The following CSMD1 variants were observed in gnomAD, a reference collection of about 807,000 sequenced individuals.
CSMD1 encodes CUB and Sushi multiple domains 1.
A neutral mutation model predicts 417.5 loss-of-function variants in CSMD1; 213 were observed. That is an observed-to-expected ratio of 0.51 (90% CI 0.46 to 0.57). The LOEUF (loss-of-function observed/expected upper bound fraction) is 0.57. Among genes scored for constraint, CSMD1 ranks in the 20% least tolerant of loss-of-function variants. The pLI, the probability that CSMD1 is intolerant of heterozygous loss-of-function variation, is 0.00. For synonymous variants in CSMD1, 2,862 were observed against 1,736.8 expected, an observed-to-expected ratio of 1.65 and a Z score of -16.11; for missense variants, 6,923 against 4,529.7, an observed-to-expected ratio of 1.53 and a Z score of -15.17.
At position 4,032,091 on chromosome 8, in the gene CSMD1, T is replaced by C. The variant is rs374327987; in HGVS notation, c.424A>G (p.Ser142Gly). 44 of 1,604,048 alleles carry C rather than the reference T, an allele frequency of 2.7e-5. No homozygotes were observed. Among genetic ancestry groups the C allele is most frequent in the Non-Finnish European group, 3.7e-5 (43 of 1,173,026 alleles). ...GFKALYEVLP[S>G]HTCGNPGEIL... ...TCTCCAGGATTTCCACAAGTGTGGC[T>C]AGGTAAAACTATTGGAAAAAGAAAA... Residue 142 changes from serine to glycine, a missense_variant, in exon 4 of 70, where the codon AGC becomes GGC. Transcript: ENST00000635120.
intron 2 of CSMD1, among the ~76,000 whole-genome samples, chr8:4,520,042 CTTGT>C (rs1223919243): frequency 2.6e-5 from 4 of 151,698 alleles, no homozygotes; most frequent in Non-Finnish European, 4.4e-5. Context: ...AAATTCTATG[CTTGT>C]TTAACACTCA....
intron 1 of CSMD1, among the ~76,000 whole-genome samples, chr8:4,915,435 T>C (rs555913438): frequency 1.2e-3 from 177 of 152,310 alleles, no homozygotes; most frequent in South Asian, 8.5e-3. Context: ...CGAGTATAGA[T>C]TGGAAACCAC....
At chr8:3,465,261 G>C (rs1249030493) in intron 12 of CSMD1, among the ~76,000 whole-genome samples, 1 of 152,068 alleles carries the variant, frequency 6.6e-6, no homozygotes, top group Non-Finnish European at 1.5e-5. Flanking sequence ...CACCCTACTT[G>C]CTTTCTGAAA....
chr8:3,848,719 G>A (rs77982705), intron 5 of CSMD1, among the ~76,000 whole-genome samples: 28,047 of 151,944 alleles, frequency 0.18, 2,794 homozygotes, highest in East Asian at 0.42. Flanking sequence ...CTCTGAAAAT[G>A]CAATGGTCTT....
intron 3 of CSMD1, among the ~76,000 whole-genome samples, chr8:4,071,833 G>C (rs984840039): frequency 7.9e-5 from 12 of 152,068 alleles, no homozygotes; most frequent in African/African-American, 2.7e-4. Flanking sequence ...TTGTGGGGGG[G>C]TGGTGTGCAC....
intron 14 of CSMD1, 123 bp from the exon 15 acceptor site, chr8:3,406,344 T>C (rs779860184): frequency 2.2e-5 from 16 of 717,826 alleles, no homozygotes; most frequent in Non-Finnish European, 2.9e-5. Flanking sequence ...TTATATAAAT[T>C]TCAGTTGTAT....
At chr8:4,114,782 G>A (rs12549476) in intron 3 of CSMD1, among the ~76,000 whole-genome samples, 44,292 of 152,078 alleles carry the variant, frequency 0.29, 6,960 homozygotes, top group Non-Finnish European at 0.34. Context: ...CTTCAGCAGA[G>A]GTACCTGCAG....
At chr8:4,775,052 T>C (rs1796779207) in intron 1 of CSMD1, among the ~76,000 whole-genome samples, 1 of 152,092 alleles carries the variant, frequency 6.6e-6, no homozygotes, top group South Asian at 2.1e-4. Flanking sequence ...GAAATCAAGA[T>C]ATACAAGAGC....
chr8:3,874,078 C>G (rs1453512675), intron 5 of CSMD1, among the ~76,000 whole-genome samples: 1 of 152,190 alleles, frequency 6.6e-6, no homozygotes, highest in Non-Finnish European at 1.5e-5. Context: ...AGGAAGTTCT[C>G]TGTGCTATCC....
chr8:3,491,832 A>G (rs1818396942), intron 11 of CSMD1, among the ~76,000 whole-genome samples: 1 of 152,232 alleles, frequency 6.6e-6, no homozygotes, highest in Non-Finnish European at 1.5e-5. Flanking sequence ...TAGGGAAACC[A>G]GCCCCACACC....
intron 57 of CSMD1, among the ~76,000 whole-genome samples, chr8:2,970,570 C>G (rs937839459): frequency 1.3e-5 from 2 of 152,148 alleles, no homozygotes; most frequent in African/African-American, 4.8e-5. Context: ...ATCCAGCCCT[C>G]TTTGTAACTA....
At chr8:4,321,684 G>C (rs568988624) in intron 3 of CSMD1, among the ~76,000 whole-genome samples, 76 of 152,272 alleles carry the variant, frequency 5.0e-4, no homozygotes, top group Non-Finnish European at 9.9e-4. Flanking sequence ...ACATTCCTAA[G>C]ATAGTGATAG....
intron 1 of CSMD1, among the ~76,000 whole-genome samples, chr8:4,884,151 T>C (rs1803579308): frequency 6.6e-6 from 1 of 152,068 alleles, no homozygotes; most frequent in African/African-American, 2.4e-5. Context: ...TTCACACCTT[T>C]TGCTTCTTTT....
At chr8:4,962,287 G>C (rs1338492057) in intron 1 of CSMD1, among the ~76,000 whole-genome samples, 1 of 151,752 alleles carries the variant, frequency 6.6e-6, no homozygotes, top group Non-Finnish European at 1.5e-5. Context: ...CATAGCTTAT[G>C]GCAGCTTGGA....
intron 7 of CSMD1, 56 bp downstream of exon 7, chr8:3,708,358 C>A: frequency 1.4e-6 from 2 of 1,470,434 alleles, no homozygotes; most frequent in Non-Finnish European, 1.9e-6. Context: ...CTGCTCCATT[C>A]TCTCCTCTGC....
At chr8:3,014,859 T>C (rs1808703825) in intron 52 of CSMD1, among the ~76,000 whole-genome samples, 2 of 151,868 alleles carry the variant, frequency 1.3e-5, no homozygotes, top group Admixed American at 6.6e-5. Context: ...GAGGTAGCAG[T>C]GAGCTGTTGT....
chr8:3,407,695 A>G (rs1028504034), intron 14 of CSMD1, among the ~76,000 whole-genome samples: 3 of 152,212 alleles, frequency 2.0e-5, no homozygotes, highest in Non-Finnish European at 4.4e-5. Context: ...TTTAGGAGTG[A>G]TGAAGCCACC....
intron 5 of CSMD1, among the ~76,000 whole-genome samples, chr8:3,783,854 T>C (rs1308730150): frequency 6.6e-6 from 1 of 152,168 alleles, no homozygotes; most frequent in Non-Finnish European, 1.5e-5. Context: ...TGGATGACTG[T>C]TTTCACCTCA....
chr8:3,018,752 T>C, intron 51 of CSMD1, 102 bp from the exon 52 acceptor site: 1 of 1,084,046 alleles, frequency 9.2e-7, no homozygotes. Flanking sequence ...CAAAAAACTA[T>C]TTTTAGTCTT....
Sources: allele counts gnomAD v4.1 joint callset (sites outside exome capture counted in the v4.1 genomes callset), GRCh38; gene constraint gnomAD v4.1.1; transcripts MANE v1.5; gene names NCBI Gene and HGNC (gene_info 2026-07-23, HGNC 2026-07-21).